Variants in RIC3 observed in about 807,000 individuals in gnomAD.
The protein encoded by RIC3 is RIC3 acetylcholine receptor chaperone.
A neutral mutation model predicts 27.3 loss-of-function variants in RIC3; 28 were observed. The observed-to-expected ratio is 1.02, with a 90% CI of 0.76 to 1.41. The LOEUF is 1.41. Ranked by LOEUF, RIC3 falls within the 40% of genes most tolerant of loss-of-function variation. The pLI is 0.00. For missense variants in RIC3, 501 were observed against 444.7 expected (o/e 1.13, Z -1.14); for synonymous variants, 184 against 160.4 (o/e 1.15, Z -1.11).
At chr11:8,167,080 G>C (rs908978650) in intron 1 of RIC3, among the ~76,000 whole-genome samples, 2 of 152,070 alleles carry the variant, frequency 1.3e-5, no homozygotes, top group Non-Finnish European at 2.9e-5. Context: ...TTTTTTCCTA[G>C]GTTATACTAC....
intron 1 of RIC3, among the ~76,000 whole-genome samples, chr11:8,168,074 TA>T (rs1951886060): frequency 6.6e-6 from 1 of 152,204 alleles, no homozygotes; most frequent in Non-Finnish European, 1.5e-5. Flanking sequence ...GTCTCAAAGA[TA>T]TTACAAGGAT....
At chr11:8,125,256 A>G (rs1430008711) in intron 5 of RIC3, among the ~76,000 whole-genome samples, 1 of 151,206 alleles carries the variant, frequency 6.6e-6, no homozygotes, top group Non-Finnish European at 1.5e-5. Flanking sequence ...TCTGTCTCAA[A>G]AAAAAAAAAA....
chr11:8,144,253 T>C (rs1949410855), intron 1 of RIC3, among the ~76,000 whole-genome samples: 1 of 149,916 alleles, frequency 6.7e-6, no homozygotes, highest in East Asian at 1.9e-4. Flanking sequence ...ACCTACAAAA[T>C]GGGAGAAAAT....
At chr11:8,105,539 A>G (rs888666969), downstream of RIC3, 2 of 152,240 alleles carry the variant, frequency 1.3e-5, no homozygotes, top group African/African-American at 4.8e-5. Context: ...TTGGTCTTAT[A>G]GAAAGCACTA....
rs116536112 is a variant in RIC3, at chr11:8,145,835, A to G, written c.125-5642T>C. 6.3e-3 allele frequency among the ~76,000 whole-genome samples: 962 copies of G among 152,348 alleles called. 12 individuals carry two copies. The highest frequency in any genetic ancestry group is 0.023 in the African/African-American group (936 of 41,580). On this transcript the variant is annotated intron_variant, in intron 1 of 5. Transcript: ENST00000309737. Reference sequence around the variant, plus strand: ...TACTAGAGAGCATAAATAACACTCTAAATAAATAACACTCTAAAAATAGAA... The same window carrying G: ...TACTAGAGAGCATAAATAACACTCTGAATAAATAACACTCTAAAAATAGAA...
chr11:8,100,741 A>AC, the RIC3 span: 10 of 1,575,560 alleles, frequency 6.3e-6, no homozygotes, highest in Non-Finnish European at 8.7e-6. Flanking sequence ...AAATCCAAGG[A>AC]CCCCCATTCC....
At chr11:8,135,336 G>A (rs11041760) in intron 4 of RIC3, among the ~76,000 whole-genome samples, 5,367 of 152,162 alleles carry the variant, frequency 0.035, 118 homozygotes, top group Middle Eastern at 0.082. Flanking sequence ...TGTTCCATTG[G>A]TCTATATCTC....
intron 5 of RIC3, among the ~76,000 whole-genome samples, chr11:8,119,866 C>T (rs1369064382): frequency 1.3e-5 from 2 of 152,080 alleles, no homozygotes; most frequent in East Asian, 1.9e-4. Context: ...ACAACCCCAT[C>T]GAAAAGTGGG....
intron 1 of RIC3, among the ~76,000 whole-genome samples, chr11:8,160,486 A>T (rs1951070025): frequency 6.6e-6 from 1 of 152,252 alleles, no homozygotes; most frequent in Non-Finnish European, 1.5e-5. Flanking sequence ...TCTTGGCCAA[A>T]TTTAAACAAA....
At chr11:8,128,158 T>A (rs898172265) in intron 4 of RIC3, 19 of 456,896 alleles carry the variant, frequency 4.2e-5, no homozygotes, top group Middle Eastern at 3.3e-4. Flanking sequence ...TAACCCCTAT[T>A]TCTTACTGTT....
rs534089798 is a variant in RIC3, at chr11:8,134,055, T to C, written c.521+3323A>G. Among the ~76,000 whole-genome samples, 4 of 152,194 alleles carry C rather than the reference T, an allele frequency of 2.6e-5. No homozygotes were observed. The South Asian group carries it at 8.3e-4, about 32-fold the overall frequency. On this transcript the variant is annotated intron_variant, in intron 4 of 5. Coordinates refer to ENST00000309737, the MANE Select transcript of RIC3 (RefSeq NM_001206671.4). ...TACATGTGCACAATGTGCTGGTTTGTTACATACGTATACACGTGCCATGTT... is the reference window on the plus strand; with the variant it reads ...TACATGTGCACAATGTGCTGGTTTGCTACATACGTATACACGTGCCATGTT...
chr11:8,100,819 C>T, the RIC3 span: 3 of 1,613,412 alleles, frequency 1.9e-6, no homozygotes, highest in Admixed American at 3.3e-5. Flanking sequence ...TGAGGCTGCC[C>T]TCCCAGGAGC....
chr11:8,125,413 G>A (rs1946890007), intron 5 of RIC3, among the ~76,000 whole-genome samples: 1 of 152,058 alleles, frequency 6.6e-6, no homozygotes, highest in Admixed American at 6.6e-5. Flanking sequence ...TTTGTACTCG[G>A]AATATATACA....
the RIC3 span, among the ~76,000 whole-genome samples, chr11:8,093,147 T>C: frequency 1.3e-5 from 2 of 152,016 alleles, no homozygotes; most frequent in Non-Finnish European, 1.5e-5. Flanking sequence ...TGTGAGTAGA[T>C]GACAACACCT....
intron 1 of RIC3, among the ~76,000 whole-genome samples, chr11:8,145,785 G>A (rs1024947419): frequency 6.6e-6 from 1 of 152,106 alleles, no homozygotes; most frequent in Middle Eastern, 3.4e-3. Flanking sequence ...AAAACCACCA[G>A]GAGATAACAT....
chr11:8,122,864 CAAAAAAAAAAA>C (rs55826618), intron 5 of RIC3, among the ~76,000 whole-genome samples: 2 of 63,514 alleles, frequency 3.1e-5, no homozygotes, highest in Admixed American at 2.0e-4. Context: ...ACCAGGTATG[CAAAAAAAAAAA>C]AAAAAAAAAA....
chr11:8,139,877 T>C (rs777463124), intron 2 of RIC3, 90 bp downstream of exon 2: 1 of 1,130,374 alleles, frequency 8.8e-7, no homozygotes, highest in African/African-American at 1.6e-5. Flanking sequence ...AATAATTTTA[T>C]GAACTATAAG....
chr11:8,148,962 C>T (rs1451200703), intron 1 of RIC3, among the ~76,000 whole-genome samples: 1 of 147,772 alleles, frequency 6.8e-6, no homozygotes, highest in Admixed American at 7.0e-5. Flanking sequence ...GGGCAGATCA[C>T]GAGGTCAGGA....
At chr11:8,095,580 C>T in the RIC3 span, 1 of 1,613,166 alleles carries the variant, frequency 6.2e-7, no homozygotes, top group Non-Finnish European at 8.5e-7. Flanking sequence ...GCCAGTCAGA[C>T]CACGCCCAGG....
Sources: gnomAD v4.1 joint callset for allele counts (sites outside exome capture counted in the v4.1 genomes callset) on GRCh38, gnomAD v4.1.1 for gene constraint, MANE v1.5 for transcripts, NCBI Gene and HGNC (gene_info 2026-07-23, HGNC 2026-07-21) for gene names.